The following FRAS1 variants were observed in gnomAD, a reference collection of about 807,000 sequenced individuals.
FRAS1 encodes the protein Fraser extracellular matrix complex subunit 1.
Under a neutral mutation model 435.2 loss-of-function variants are expected in FRAS1, and 290 were observed. The observed-to-expected ratio is 0.67, with a 90% CI of 0.61 to 0.73. FRAS1 has a LOEUF of 0.73. FRAS1 is among the 30% of genes least tolerant of loss of function. The pLI is 0.00. For synonymous variants in FRAS1, 1,800 were observed against 1,851.0 expected, an observed-to-expected ratio of 0.97 and a Z score of 0.71; for missense variants, 4,860 against 5,001.5, an observed-to-expected ratio of 0.97 and a Z score of 0.85.
rs750863003 is a variant in FRAS1, at chr4:78,464,416, C to T, written c.6889-27C>T. The T allele has an allele frequency of 4.3e-6, 7 of 1,613,212 alleles. No homozygotes were observed. In the African/African-American group the frequency reaches 6.7e-5, roughly 15 times the overall value. On this transcript the variant is annotated intron_variant, in intron 48 of 73. Transcript: ENST00000512123. ...TTGGGTAGGTGCTAGGGACAGGTGT[C>T]CCACCTGCACTTTCCTGCCATTCTA...
At chr4:78,195,116 T>G (rs2110068680) in intron 2 of FRAS1, among the ~76,000 whole-genome samples, 1 of 152,324 alleles carries the variant, frequency 6.6e-6, no homozygotes, top group East Asian at 1.9e-4. Context: ...TGTTGCTGCC[T>G]GATCGTTCCT....
At chr4:78,311,051 T>A (rs1728997520) in intron 15 of FRAS1, among the ~76,000 whole-genome samples, 1 of 152,152 alleles carries the variant, frequency 6.6e-6, no homozygotes, top group South Asian at 2.1e-4. Context: ...GGAGGAAACC[T>A]CCTCATTCTT....
At chr4:78,071,191 A>C (rs1740332893) in intron 2 of FRAS1, 1 of 152,252 alleles carries the variant, frequency 6.6e-6, no homozygotes, top group African/African-American at 2.4e-5. Flanking sequence ...AGGAAAATCC[A>C]GGCTTTGGAG....
At chr4:78,267,882 G>A (rs908120830) in intron 9 of FRAS1, among the ~76,000 whole-genome samples, 4 of 152,174 alleles carry the variant, frequency 2.6e-5, no homozygotes, top group Admixed American at 1.3e-4. Context: ...CGCTTCCGTG[G>A]ATCAGGAAAA....
intron 2 of FRAS1, among the ~76,000 whole-genome samples, chr4:78,101,058 C>G (rs1055681792): frequency 6.6e-6 from 1 of 152,044 alleles, no homozygotes; most frequent in Non-Finnish European, 1.5e-5. Context: ...GGCTTGGCTT[C>G]TGGCAACCAT....
chr4:78,389,544 G>C (rs1732363517), intron 29 of FRAS1, among the ~76,000 whole-genome samples: 1 of 152,260 alleles, frequency 6.6e-6, no homozygotes, highest in Admixed American at 6.5e-5. Flanking sequence ...GGAGTTGGCA[G>C]ATAGCCACCT....
Position 78,421,976 on chromosome 4 carries a change from G to A in FRAS1, c.4654G>A (p.Glu1552Lys), listed in dbSNP as rs1358301764. 2 of 1,612,538 alleles carry A rather than the reference G, an allele frequency of 1.2e-6. No individual in the cohort carries two copies. The highest frequency in any genetic ancestry group is 2.2e-5 in the East Asian group (1 of 44,808). ...RPPPAAPHLQ[E>K]LMAFSFAGLP... Reference sequence around the variant, plus strand: ...TCCCCCGGCAGCACCCCACCTCCAGGAGCTCATGGCCTTCTCGTTCGCTGG... The same window carrying A: ...TCCCCCGGCAGCACCCCACCTCCAGAAGCTCATGGCCTTCTCGTTCGCTGG... The change falls in exon 34 of 74, where the codon GAG (glutamate) becomes AAG (lysine). Residue 1552 changes from glutamate to lysine, a missense_variant. Transcript: ENST00000512123.
At position 78,424,455 on chromosome 4, in the gene FRAS1, AT is replaced by A. The variant is rs781020610; in HGVS notation, c.4711+41del. On this transcript the variant is annotated intron_variant, in intron 35 of 73. Transcript: ENST00000512123. ...CATCTAAATTTTACTAGAAAGTGAAATTTTTTCTTTCCTTATTAGTTCTTTC... is the reference window on the plus strand; with the variant it reads ...CATCTAAATTTTACTAGAAAGTGAAATTTTTCTTTCCTTATTAGTTCTTTC... 7 of 1,214,134 alleles carry A rather than the reference AT, an allele frequency of 5.8e-6. No homozygotes were observed. In the East Asian group the frequency reaches 1.8e-4, roughly 30 times the overall value. 75.2% of individuals were successfully genotyped at this position (1,214,134 alleles called of 1,614,324 possible).
intron 20 of FRAS1, among the ~76,000 whole-genome samples, chr4:78,346,401 A>G (rs1213658887): frequency 6.6e-6 from 1 of 152,192 alleles, no homozygotes; most frequent in Non-Finnish European, 1.5e-5. Flanking sequence ...TAAGGATGAG[A>G]TTAGAGATGT....
chr4:78,169,015 T>C (rs997898324), intron 2 of FRAS1, among the ~76,000 whole-genome samples: 10 of 152,096 alleles, frequency 6.6e-5, no homozygotes, highest in African/African-American at 2.4e-4. Flanking sequence ...TAGGTGCAGA[T>C]TGTGATCCGG....
At chr4:78,395,282 T>C (rs563034997) in intron 29 of FRAS1, among the ~76,000 whole-genome samples, 1 of 152,160 alleles carries the variant, frequency 6.6e-6, no homozygotes, top group Admixed American at 6.5e-5. Context: ...GCTTAACATT[T>C]GTTCTAACCT....
At chr4:78,297,807 CTTAT>C (rs1218419310) in intron 14 of FRAS1, among the ~76,000 whole-genome samples, 1 of 151,988 alleles carries the variant, frequency 6.6e-6, no homozygotes, top group Non-Finnish European at 1.5e-5. Flanking sequence ...GGAGTGACCT[CTTAT>C]TTTTTATAAT....
chr4:78,416,280 G>A lies in FRAS1; in HGVS notation c.4426-2669G>A, dbSNP rs77980252. Among the ~76,000 whole-genome samples, 713 of 152,242 alleles carry A rather than the reference G, an allele frequency of 4.7e-3. 12 individuals are homozygous for A. Among genetic ancestry groups the A allele is most frequent in the East Asian group, 0.024 (126 of 5,182 alleles). On this transcript the variant is annotated intron_variant, in intron 32 of 73. Coordinates refer to ENST00000512123, the MANE Select transcript of FRAS1 (RefSeq NM_025074.7). The stretch of plus-strand genomic sequence containing the variant: ...TAGAAAGTAGAATGGTAGTTACCAG[G>A]GGTAGAGTGCGTGATGTGATGAGAG...
chr4:78,452,268 C>G lies in FRAS1; in HGVS notation c.6677C>G (p.Thr2226Ser), dbSNP rs770721027. 6.2e-7 allele frequency: 1 copy of G among 1,613,822 alleles called. No individual in the cohort carries two copies. The highest frequency in any genetic ancestry group is 8.5e-7 in the Non-Finnish European group (1 of 1,179,764). ...KKITTLQLSA[T>S]DQDSGPTELI... is the part of the protein sequence containing the mutation. ...ATCACCACCCTGCAGCTGTCTGCCA[C>G]TGACCAGGACAGTGGGCCTACAGAA... Residue 2226 changes from threonine (T) to serine (S), a missense_variant, in exon 47 of 74, where the codon ACT (threonine) becomes AGT (serine). Transcript: ENST00000512123.
At chr4:78,189,164 C>G (rs1722417420) in intron 2 of FRAS1, among the ~76,000 whole-genome samples, 1 of 152,212 alleles carries the variant, frequency 6.6e-6, no homozygotes, top group African/African-American at 2.4e-5. Flanking sequence ...CCTCTCCTGA[C>G]TTATCTGACC....
intron 9 of FRAS1, 150 bp downstream of exon 9, chr4:78,267,582 G>T (rs28592072): frequency 2.8e-6 from 2 of 720,440 alleles, no homozygotes; most frequent in South Asian, 3.9e-5. Flanking sequence ...TAAAGCTTCC[G>T]TGGTATAAAA....
chr4:78,458,835 T>C (rs190651649), intron 47 of FRAS1, among the ~76,000 whole-genome samples: 1 of 152,314 alleles, frequency 6.6e-6, no homozygotes, highest in Admixed American at 6.5e-5. Context: ...GAGCTGTGAC[T>C]GTTCCAGTTA....
intron 61 of FRAS1, 79 bp from the exon 62 acceptor site, chr4:78,507,342 C>A: frequency 8.2e-7 from 1 of 1,214,068 alleles, no homozygotes; most frequent in Non-Finnish European, 1.1e-6. Flanking sequence ...CATAATGTCT[C>A]AGCAGTGCCA....
At chr4:78,244,949 T>C (rs1725162476) in intron 3 of FRAS1, among the ~76,000 whole-genome samples, 1 of 152,160 alleles carries the variant, frequency 6.6e-6, no homozygotes, top group African/African-American at 2.4e-5. Context: ...GTAAATCTCC[T>C]AGGGTTTCTA....
Sources: allele counts gnomAD v4.1 joint callset (sites outside exome capture counted in the v4.1 genomes callset), GRCh38; gene constraint gnomAD v4.1.1; transcripts MANE v1.5; gene names NCBI Gene and HGNC (gene_info 2026-07-23, HGNC 2026-07-21).